ZNF407: variants seen among roughly 807,000 people sequenced by gnomAD.
The protein encoded by ZNF407 is zinc finger protein 407.
Under a neutral mutation model 131.2 loss-of-function variants are expected in ZNF407, and 17 were observed. That is an observed-to-expected ratio of 0.13 (90% confidence interval 0.09 to 0.19). ZNF407 has a LOEUF of 0.19. Among genes scored for constraint, ZNF407 ranks in the 10% least tolerant of loss-of-function variants. The pLI is 1.00. For synonymous variants in ZNF407, 1,156 were observed against 1,062.0 expected, an observed-to-expected ratio of 1.09 and a Z score of -1.72; for missense variants, 2,681 against 2,830.6, an observed-to-expected ratio of 0.95 and a Z score of 1.20.
rs770612874 is a variant in ZNF407, at chr18:75,063,050, G to A, written c.5429-100G>A. The A allele has an allele frequency of 3.5e-4, 396 of 1,129,994 alleles. No homozygotes were observed. Among genetic ancestry groups the A allele is most frequent in the Non-Finnish European group, 4.8e-4 (379 of 788,462 alleles). 70.0% of individuals were successfully genotyped at this position (1,129,994 alleles called of 1,614,324 possible). ...TCAGGGTTTGGAATAGGGGGTCGTGGTGACTCTGCTGAGGCCTGAGCGCTT... is the reference window on the plus strand; with the variant it reads ...TCAGGGTTTGGAATAGGGGGTCGTGATGACTCTGCTGAGGCCTGAGCGCTT... On this transcript the variant is annotated intron_variant, in intron 8 of 8. Transcript: ENST00000299687. This position sits in a 1 kb window ranked among gnomAD's most constrained non-coding sequence, Gnocchi z 6.6.
intron 8 of ZNF407, chr18:74,921,009 A>G (rs1223444038): frequency 1.9e-6 from 2 of 1,032,842 alleles, no homozygotes; most frequent in East Asian, 7.3e-5. Context: ...TATGTTGACT[A>G]ATTGCTAAAA....
intron 3 of ZNF407, among the ~76,000 whole-genome samples, chr18:74,747,710 G>A (rs1234679828): frequency 2.0e-5 from 3 of 151,998 alleles, no homozygotes; most frequent in Non-Finnish European, 1.5e-5. Flanking sequence ...TTTTGCTGAC[G>A]TTCAGCACAA....
intron 4 of ZNF407, among the ~76,000 whole-genome samples, chr18:74,828,023 C>G (rs571333614): frequency 2.6e-5 from 4 of 152,196 alleles, no homozygotes; most frequent in Non-Finnish European, 5.9e-5. Context: ...CGGTCTGCCT[C>G]GCTACTCAGG....
intron 7 of ZNF407, chr18:74,905,323 G>A (rs1477038069): frequency 6.6e-6 from 1 of 152,230 alleles, no homozygotes; most frequent in African/African-American, 2.4e-5. Flanking sequence ...TGAAAGGCTG[G>A]CCTTGCTCCC....
intron 8 of ZNF407, among the ~76,000 whole-genome samples, chr18:74,939,811 C>G (rs1351929030): frequency 1.3e-5 from 2 of 152,170 alleles, no homozygotes; most frequent in Non-Finnish European, 2.9e-5. Flanking sequence ...AAGACCTGCT[C>G]TTTTCCAGTT....
chr18:74,639,556 C>A (rs560932512), intron 2 of ZNF407, among the ~76,000 whole-genome samples: 1 of 152,158 alleles, frequency 6.6e-6, no homozygotes, highest in Non-Finnish European at 1.5e-5. Flanking sequence ...AATGTGATTG[C>A]TGTAAGCTGC....
At chr18:74,799,426 C>A (rs1160341099) in intron 4 of ZNF407, among the ~76,000 whole-genome samples, 1 of 152,086 alleles carries the variant, frequency 6.6e-6, no homozygotes, top group Non-Finnish European at 1.5e-5. Flanking sequence ...AGATTTCATT[C>A]ATTCAAGATA....
In ZNF407 at chr18:75,063,922, C is replaced by T. The variant is rs1343713899; in HGVS notation, c.6201C>T (p.Ala2067=). 1.2e-6 allele frequency: 2 copies of T among 1,613,752 alleles called. No individual in the cohort carries two copies. The highest frequency in any genetic ancestry group is 2.2e-5 in the East Asian group (1 of 44,830). The part of the protein sequence containing the change: ...TQVVHPSAAM[A]SQERAQVAFK... ...TGGTCCATCCCTCAGCAGCCATGGC[C>T]TCTCAGGAGCGGGCACAGGTGGCCT... Residue 2067 remains alanine (A), a synonymous_variant, in exon 9 of 9, where the codon GCC becomes GCT. Transcript: ENST00000299687. The surrounding 1 kb of genome is among the most constrained non-coding windows in gnomAD (Gnocchi z 6.6).
At chr18:75,045,309 T>C (rs142318830) in intron 8 of ZNF407, among the ~76,000 whole-genome samples, 5 of 152,324 alleles carry the variant, frequency 3.3e-5, no homozygotes, top group African/African-American at 9.6e-5. Context: ...TTCATGCTGA[T>C]AACTGAACCA....
intron 3 of ZNF407, among the ~76,000 whole-genome samples, chr18:74,724,741 G>A (rs1401125487): frequency 1.3e-5 from 2 of 152,138 alleles, no homozygotes; most frequent in Non-Finnish European, 2.9e-5. Context: ...ATTTCTTAAT[G>A]CTTTCCATGT....
At chr18:74,705,305 C>T (rs1213736145) in intron 3 of ZNF407, among the ~76,000 whole-genome samples, 4 of 152,092 alleles carry the variant, frequency 2.6e-5, no homozygotes, top group Non-Finnish European at 5.9e-5. Context: ...CCTGTGATGT[C>T]ATGGGGACAA....
At chr18:74,836,145 A>G (rs1199531662) in intron 4 of ZNF407, among the ~76,000 whole-genome samples, 1 of 152,188 alleles carries the variant, frequency 6.6e-6, no homozygotes, top group African/African-American at 2.4e-5. Context: ...AACTTAAAGA[A>G]AATATTTAGT....
At chr18:75,026,714 A>G (rs536953843) in intron 8 of ZNF407, among the ~76,000 whole-genome samples, 30 of 152,322 alleles carry the variant, frequency 2.0e-4, no homozygotes, top group African/African-American at 6.7e-4. Flanking sequence ...GTGTTTATTA[A>G]TGGTATGTGA....
intron 8 of ZNF407, among the ~76,000 whole-genome samples, chr18:74,981,217 GCACCC>G (rs1192357205): frequency 2.0e-5 from 3 of 152,210 alleles, no homozygotes; most frequent in Non-Finnish European, 2.9e-5. Flanking sequence ...TAGTGCAGAG[GCACCC>G]CCGTCAGTGG....
rs558758384 is a variant in ZNF407, at chr18:74,931,421, A to T, written c.5428+10729A>T. 3.9e-5 allele frequency among the ~76,000 whole-genome samples: 6 copies of T among 152,296 alleles called. No individual in the cohort carries two copies. In the South Asian group the frequency reaches 1.2e-3, roughly 32 times the overall value. ...ATCAAAATAACCATTTCCCCCAAAGACGATACACAAATGACCGGCAAGCCA... is the reference window on the plus strand; with the variant it reads ...ATCAAAATAACCATTTCCCCCAAAGTCGATACACAAATGACCGGCAAGCCA... On this transcript the variant is annotated intron_variant, in intron 8 of 8. Transcript: ENST00000299687.
intron 3 of ZNF407, among the ~76,000 whole-genome samples, chr18:74,652,605 A>C (rs1985277240): frequency 1.3e-5 from 2 of 151,980 alleles, no homozygotes; most frequent in African/African-American, 4.8e-5. Flanking sequence ...TAACACTTCT[A>C]CTGGGGTAAG....
intron 4 of ZNF407, among the ~76,000 whole-genome samples, chr18:74,823,166 A>G (rs1970364615): frequency 6.6e-6 from 1 of 152,130 alleles, no homozygotes; most frequent in Admixed American, 6.5e-5. Flanking sequence ...ATGCTGAGAG[A>G]TTTTTGTCAC....
chr18:75,002,290 C>T (rs1213044128), intron 8 of ZNF407, among the ~76,000 whole-genome samples: 1 of 152,210 alleles, frequency 6.6e-6, no homozygotes, highest in Non-Finnish European at 1.5e-5. Context: ...TAAGAAGCCA[C>T]TAGGGTAATA....
At chr18:74,782,758 A>G (rs1440202412) in intron 4 of ZNF407, among the ~76,000 whole-genome samples, 1 of 152,036 alleles carries the variant, frequency 6.6e-6, no homozygotes, top group Non-Finnish European at 1.5e-5. Flanking sequence ...ATCTGGGACT[A>G]TAGGCACCCG....
Sources: gnomAD v4.1 joint callset for allele counts (sites outside exome capture counted in the v4.1 genomes callset) on GRCh38, gnomAD v4.1.1 for gene constraint, Gnocchi (gnomAD v3.1) non-coding constraint, MANE v1.5 for transcripts, NCBI Gene and HGNC (gene_info 2026-07-23, HGNC 2026-07-21) for gene names.